Variants in RIC1 observed in about 807,000 individuals in gnomAD.
RIC1 encodes RIC1 partner of RAB6A GEF complex, also known as guanine nucleotide exchange factor subunit RIC1.
A neutral mutation model predicts 169.0 loss-of-function variants in RIC1; 88 were observed. The observed-to-expected ratio is 0.52, with a 90% CI of 0.44 to 0.62. The LOEUF (loss-of-function observed/expected upper bound fraction) is 0.62. RIC1 is among the 20% of genes least tolerant of loss of function. The pLI is 0.00. For missense variants in RIC1, 1,877 were observed against 1,725.5 expected (o/e 1.09, Z -1.56); for synonymous variants, 790 against 601.5 (o/e 1.31, Z -4.59).
In RIC1 at chr9:5,743,742, G is replaced by C. The variant is rs1825213917; in HGVS notation, c.1095+5G>C. On this transcript the variant is annotated splice_donor_5th_base_variant and intron_variant, in intron 10 of 25. Transcript: ENST00000414202. Reference sequence around the variant, plus strand: ...CCCCTTAAGATCAACTCTATGGTAAGTACTTTCTATAAAAAATTGGCATGG... The same window carrying C: ...CCCCTTAAGATCAACTCTATGGTAACTACTTTCTATAAAAAATTGGCATGG... 1.3e-6 allele frequency: 2 copies of C among 1,599,224 alleles called. No homozygotes were observed. The highest frequency in any genetic ancestry group is 1.7e-6 in the Non-Finnish European group (2 of 1,170,926).
Position 5,629,216 on chromosome 9 carries a change from A to T in RIC1, c.-94A>T. 8.3e-7 allele frequency: 1 copy of T among 1,207,648 alleles called. No homozygotes were observed. The highest frequency in any genetic ancestry group is 2.7e-5 in the South Asian group (1 of 36,758). The allele number at this position is 1,207,648 out of a possible 1,614,324, so 74.8% of individuals were successfully genotyped here. ...CGAGCTGCCGCCGCCGCCGCCGCCG[A>T]CTCGGCCGGTGGCGGTGTGGGAGGT... On this transcript the variant is annotated 5_prime_UTR_variant, in exon 1 of 26. Transcript: ENST00000414202.
intron 4 of RIC1, among the ~76,000 whole-genome samples, chr9:5,719,749 A>G (rs1024651331): frequency 3.3e-5 from 5 of 152,232 alleles, no homozygotes; most frequent in Non-Finnish European, 7.3e-5. Flanking sequence ...GCACAGATAT[A>G]GAACATTTCC....
At chr9:5,637,626 C>CTT (rs1301847172) in intron 1 of RIC1, among the ~76,000 whole-genome samples, 2 of 152,150 alleles carry the variant, frequency 1.3e-5, no homozygotes, top group Non-Finnish European at 2.9e-5. Flanking sequence ...CTTTCTCAGC[C>CTT]TCTGGTAATC....
chr9:5,763,797 A>C lies in RIC1; in HGVS notation c.2770A>C (p.Lys924Gln). 6.2e-7 allele frequency: 1 copy of C among 1,614,162 alleles called. No individual in the cohort carries two copies. Among genetic ancestry groups the C allele is most frequent in the Non-Finnish European group, 8.5e-7 (1 of 1,180,004 alleles). The change falls in exon 19 of 26, where the codon AAG (lysine) becomes CAG (glutamine). Residue 924 changes from lysine to glutamine, a missense_variant. Lys to Gln is a moderately conservative substitution (Grantham distance 53, BLOSUM62 1). Around this residue, in one of 3 missense-constraint regions of RIC1, gnomAD observed 92 missense variants for 151.5 expected, o/e 0.61. Transcript: ENST00000414202. The surrounding 1 kb of genome is among the most constrained non-coding windows in gnomAD (Gnocchi z 5.2). Reference sequence around the variant, plus strand: ...CCTTTTTGCAGCTGTTGGAAACCCTAAGGACTTGTTTGAGGAGTGTTTGAT... The same window carrying C: ...CCTTTTTGCAGCTGTTGGAAACCCTCAGGACTTGTTTGAGGAGTGTTTGAT... Reference protein sequence around the residue: ...NYLFAAVGNPKDLFEECLMAQ... With the variant: ...NYLFAAVGNPQDLFEECLMAQ...
At chr9:5,772,314 G>C (rs1827278023) in intron 23 of RIC1, among the ~76,000 whole-genome samples, 2 of 152,164 alleles carry the variant, frequency 1.3e-5, no homozygotes, top group South Asian at 4.1e-4. Flanking sequence ...AGATTTTATT[G>C]AGGGAGTTGG....
intron 2 of RIC1, among the ~76,000 whole-genome samples, chr9:5,682,970 T>G (rs933239085): frequency 6.6e-6 from 1 of 152,238 alleles, no homozygotes; most frequent in African/African-American, 2.4e-5. Context: ...TACTGAGGCT[T>G]GCGCATTCGT....
intron 3 of RIC1, among the ~76,000 whole-genome samples, chr9:5,695,453 G>A (rs1821832719): frequency 6.6e-6 from 1 of 151,916 alleles, no homozygotes; most frequent in Admixed American, 6.6e-5. Context: ...TCAATAGCCA[G>A]TCTATATCCA....
At chr9:5,756,816 G>A (rs1374829018) in intron 16 of RIC1, among the ~76,000 whole-genome samples, 1 of 152,168 alleles carries the variant, frequency 6.6e-6, no homozygotes, top group East Asian at 1.9e-4. Flanking sequence ...AAAATCAGCA[G>A]TGTTGTTGCT....
chr9:5,663,162 G>C (rs1819555399), intron 2 of RIC1, among the ~76,000 whole-genome samples: 1 of 152,132 alleles, frequency 6.6e-6, no homozygotes, highest in South Asian at 2.1e-4. Flanking sequence ...TAATTCTTCT[G>C]AGTGAATTTT....
At chr9:5,772,841 A>G (rs1586737303) in intron 24 of RIC1, 51 bp from the exon 25 acceptor site, 1 of 1,569,016 alleles carries the variant, frequency 6.4e-7, no homozygotes, top group Non-Finnish European at 8.7e-7. Flanking sequence ...ACTTCTGTAC[A>G]TCTTATAGAT....
intron 2 of RIC1, among the ~76,000 whole-genome samples, chr9:5,667,716 G>A (rs1176134492): frequency 1.3e-5 from 2 of 151,998 alleles, no homozygotes; most frequent in Non-Finnish European, 2.9e-5. Flanking sequence ...CGTTGGCCAG[G>A]CTGGTCTCAA....
At chr9:5,758,722 C>CTTTTTTTTTTTTTTTTTTTTTCCTTTTT (rs754931692) in intron 17 of RIC1, among the ~76,000 whole-genome samples, 3 of 98,434 alleles carry the variant, frequency 3.0e-5, no homozygotes, top group African/African-American at 4.0e-5. Context: ...GGTCTCCCTT[C>CTTTTTTTTTTTTTTTTTTTTTCCTTTTT]TTTTTTTTTT....
intron 1 of RIC1, among the ~76,000 whole-genome samples, chr9:5,654,410 C>G (rs6476996): frequency 0.022 from 3,301 of 152,144 alleles, 127 homozygotes; most frequent in African/African-American, 0.075. Flanking sequence ...CCATGTCCAG[C>G]TAATTTTTGT....
chr9:5,753,388 T>A, intron 13 of RIC1, 148 bp from the exon 14 acceptor site: 1 of 839,258 alleles, frequency 1.2e-6, no homozygotes, highest in Non-Finnish European at 1.9e-6. Context: ...TATAATTTTG[T>A]CAGATATAAC....
chr9:5,641,470 T>G (rs1818243521), intron 1 of RIC1, among the ~76,000 whole-genome samples: 1 of 152,168 alleles, frequency 6.6e-6, no homozygotes, highest in African/African-American at 2.4e-5. Context: ...TATCTTTCTC[T>G]AGGTTTGGGA....
intron 21 of RIC1, among the ~76,000 whole-genome samples, chr9:5,766,591 T>TA (rs1320608908): frequency 6.6e-6 from 1 of 152,230 alleles, no homozygotes; most frequent in East Asian, 1.9e-4. Flanking sequence ...AGTGAGAACA[T>TA]ACTACATTTG....
intron 1 of RIC1, among the ~76,000 whole-genome samples, chr9:5,644,189 G>A (rs928511886): frequency 2.8e-4 from 43 of 152,116 alleles, no homozygotes; most frequent in Non-Finnish European, 4.7e-4. Context: ...ATTTATATCA[G>A]CCTTAAAAAG....
At chr9:5,674,976 G>A (rs187639888) in intron 2 of RIC1, among the ~76,000 whole-genome samples, 2 of 152,326 alleles carry the variant, frequency 1.3e-5, no homozygotes, top group Non-Finnish European at 2.9e-5. Context: ...AAAAGAAATA[G>A]CACTCAAATA....
chr9:5,743,266 G>T (rs141506220), intron 9 of RIC1, among the ~76,000 whole-genome samples: 1 of 152,094 alleles, frequency 6.6e-6, no homozygotes, highest in East Asian at 1.9e-4. Context: ...TAGACACAAA[G>T]CAGAATCAGG....
Sources: allele counts gnomAD v4.1 joint callset (sites outside exome capture counted in the v4.1 genomes callset), GRCh38; gene constraint gnomAD v4.1.1; regional missense constraint gnomAD v4.1.1; non-coding constraint Gnocchi (gnomAD v3.1); transcripts MANE v1.5; gene names NCBI Gene and HGNC (gene_info 2026-07-23, HGNC 2026-07-21).